Variants in UTP20 observed in about 807,000 individuals in gnomAD.
UTP20 encodes the protein UTP20 small subunit processome component.
Under a neutral mutation model 329.5 loss-of-function variants are expected in UTP20, and 164 were observed. That is an observed-to-expected ratio of 0.50 (90% CI 0.44 to 0.57). The LOEUF is 0.57. Ranked by LOEUF, UTP20 falls within the 20% of genes least tolerant of loss-of-function variation. The probability of loss-of-function intolerance (pLI) is 0.00; values close to 1 mark genes in which losing one functional copy is unlikely to be tolerated. For synonymous variants in UTP20, 1,151 were observed against 1,159.3 expected (o/e 0.99, Z 0.14); for missense variants, 3,055 against 3,284.2 (o/e 0.93, Z 1.71).
intron 2 of UTP20, among the ~76,000 whole-genome samples, chr12:101,282,678 G>A (rs1406051908): frequency 6.6e-6 from 1 of 152,194 alleles, no homozygotes; most frequent in Non-Finnish European, 1.5e-5. Flanking sequence ...CTTTAGTGTG[G>A]AGAAAAGAGC....
chr12:101,281,479 A>T (rs1871794794), intron 2 of UTP20, among the ~76,000 whole-genome samples: 2 of 152,176 alleles, frequency 1.3e-5, no homozygotes, highest in Non-Finnish European at 2.9e-5. Flanking sequence ...TAGACAATTG[A>T]CTTGACTTTC....
At chr12:101,321,312 C>T (rs562457748) in intron 24 of UTP20, among the ~76,000 whole-genome samples, 192 bp from the exon 25 acceptor site, 1 of 151,800 alleles carries the variant, frequency 6.6e-6, no homozygotes, top group Non-Finnish European at 1.5e-5. Flanking sequence ...TTTTCTAATC[C>T]GTTATACCTT....
chr12:101,366,200 C>T (rs1449509369), intron 46 of UTP20, among the ~76,000 whole-genome samples: 1 of 151,796 alleles, frequency 6.6e-6, no homozygotes, highest in African/African-American at 2.4e-5. Flanking sequence ...CCACTGTACT[C>T]CAGGCTGGGC....
At chr12:101,300,448 A>T (rs1332882680) in intron 14 of UTP20, among the ~76,000 whole-genome samples, 2 of 152,158 alleles carry the variant, frequency 1.3e-5, no homozygotes, top group Non-Finnish European at 2.9e-5. Flanking sequence ...TTACAACTGT[A>T]TGGCTGCCTT....
chr12:101,312,365 T>C, intron 21 of UTP20, 89 bp downstream of exon 21: 1 of 1,513,654 alleles, frequency 6.6e-7, no homozygotes, highest in South Asian at 1.3e-5. Context: ...GCTGAGTTCT[T>C]TGTTTTTTGC....
intron 13 of UTP20, 29 bp from the exon 14 acceptor site, chr12:101,299,944 A>G (rs1872472545): frequency 6.2e-7 from 1 of 1,612,778 alleles, no homozygotes; most frequent in Non-Finnish European, 8.5e-7. Flanking sequence ...GCCAGTTTGA[A>G]CTTTTCCCTT....
chr12:101,350,967 G>A (rs1017156640), intron 38 of UTP20, among the ~76,000 whole-genome samples: 10 of 152,014 alleles, frequency 6.6e-5, no homozygotes, highest in African/African-American at 2.4e-4. Flanking sequence ...AAGACCACTG[G>A]GCTCTTTTTG....
intron 27 of UTP20, among the ~76,000 whole-genome samples, chr12:101,329,831 C>A (rs1174596163): frequency 1.3e-5 from 2 of 151,588 alleles, no homozygotes; most frequent in African/African-American, 4.9e-5. Flanking sequence ...TAGCAAGACC[C>A]CATTTATGCA....
Position 101,386,212 on chromosome 12 carries a change from G to GTGTT in UTP20, c.*90_*91insGTTT, listed in dbSNP as rs1870829140. The GTGTT allele has an allele frequency of 1.2e-6, 1 of 826,664 alleles. No individual in the cohort carries two copies. The highest frequency in any genetic ancestry group is 1.9e-5 in the African/African-American group (1 of 52,570). 51.2% of individuals were successfully genotyped at this position (826,664 alleles called of 1,614,324 possible). On this transcript the variant is annotated 3_prime_UTR_variant, in exon 62 of 62. Coordinates refer to ENST00000261637, the MANE Select transcript of UTP20 (RefSeq NM_014503.3). ...AGGTTGTCTGGGGTAGGGGGGAGGC[G>GTGTT]TTTTTTTTTTTTTTTGAGACAAGGT...
chr12:101,296,664 C>T lies in UTP20; in HGVS notation c.1430+1006C>T, dbSNP rs375053372. 1.6e-3 allele frequency among the ~76,000 whole-genome samples: 248 copies of T among 151,922 alleles called. 4 individuals carry two copies. In the South Asian group the frequency reaches 0.024, roughly 15 times the overall value. On this transcript the variant is annotated intron_variant, in intron 12 of 61. Transcript: ENST00000261637. ...TGAGGAGGCTGAGGCAGGAGAATGGCGTGAACCCAGGAGGTAGAGGTTGCA... is the reference window on the plus strand; with the variant it reads ...TGAGGAGGCTGAGGCAGGAGAATGGTGTGAACCCAGGAGGTAGAGGTTGCA...
chr12:101,364,998 T>A (rs1870045276), intron 45 of UTP20, among the ~76,000 whole-genome samples: 1 of 152,104 alleles, frequency 6.6e-6, no homozygotes, highest in Non-Finnish European at 1.5e-5. Context: ...ATAATTGATA[T>A]CAGACCCTGA....
At chr12:101,308,897 T>G (rs1417825091) in intron 18 of UTP20, among the ~76,000 whole-genome samples, 1 of 152,170 alleles carries the variant, frequency 6.6e-6, no homozygotes, top group Non-Finnish European at 1.5e-5. Context: ...CACACCTGGC[T>G]AATTTTTTTG....
chr12:101,349,090 T>A (rs917970851), intron 38 of UTP20, among the ~76,000 whole-genome samples: 3 of 152,298 alleles, frequency 2.0e-5, no homozygotes, highest in African/African-American at 7.2e-5. Context: ...GTATTCTGGC[T>A]TGTATTATTT....
chr12:101,342,344 C>T (rs1005695203), intron 32 of UTP20, 102 bp from the exon 33 acceptor site: 2 of 942,728 alleles, frequency 2.1e-6, no homozygotes, highest in East Asian at 2.9e-5. Context: ...ACTACTTTTA[C>T]ATCTTATTCA....
At chr12:101,334,713 C>T (rs1167941465) in intron 29 of UTP20, among the ~76,000 whole-genome samples, 2 of 152,212 alleles carry the variant, frequency 1.3e-5, no homozygotes, top group African/African-American at 4.8e-5. Flanking sequence ...CACAGTGGCT[C>T]ACGCCTGTAA....
At chr12:101,344,891 CTT>C in intron 36 of UTP20, 141 bp downstream of exon 36, 3 of 280,056 alleles carry the variant, frequency 1.1e-5, no homozygotes, top group Non-Finnish European at 1.3e-5. Context: ...AGTCACCAGA[CTT>C]TTAATGGGAG....
chr12:101,385,413 T>G (rs1870790985), intron 60 of UTP20, among the ~76,000 whole-genome samples, 170 bp from the exon 61 acceptor site: 1 of 152,194 alleles, frequency 6.6e-6, no homozygotes, highest in African/African-American at 2.4e-5. Flanking sequence ...TGTTTAATGT[T>G]GAAGTAACAG....
At chr12:101,339,828 T>C (rs1869060474) in intron 31 of UTP20, among the ~76,000 whole-genome samples, 1 of 152,242 alleles carries the variant, frequency 6.6e-6, no homozygotes, top group African/African-American at 2.4e-5. Context: ...AAATGTATTT[T>C]TTCTGTTACT....
At position 101,355,126 on chromosome 12, in the gene UTP20, A is replaced by C. The variant is rs2242138; in HGVS notation, c.5394+8A>C. On this transcript the variant is annotated splice_region_variant and intron_variant, in intron 41 of 61. Coordinates refer to ENST00000261637, the MANE Select transcript of UTP20 (RefSeq NM_014503.3). ...AAATGCCTTGCATCTACGGTAATAA[A>C]TTTATTCGGGGTCCAGCAGGTCTGT... 0.083 allele frequency: 132,872 copies of C among 1,609,248 alleles called. 23,253 individuals are homozygous for C. Among genetic ancestry groups the C allele is most frequent in the African/African-American group, 0.56 (41,815 of 74,652 alleles).
Sources: gnomAD v4.1 joint callset for allele counts (sites outside exome capture counted in the v4.1 genomes callset) on GRCh38, gnomAD v4.1.1 for gene constraint, MANE v1.5 for transcripts, NCBI Gene and HGNC (gene_info 2026-07-23, HGNC 2026-07-21) for gene names.